Variants in PXDN observed in about 807,000 individuals in gnomAD.
PXDN encodes the protein peroxidasin homolog.
Under a neutral mutation model 140.3 loss-of-function variants are expected in PXDN, and 77 were observed. The ratio of observed to expected loss-of-function variants is 0.55; its 90% CI spans 0.46 to 0.66. The LOEUF (loss-of-function observed/expected upper bound fraction) is 0.66, where lower values mean the gene tolerates loss of function less well. Among genes scored for constraint, PXDN ranks in the 30% least tolerant of loss-of-function variants. PXDN has a pLI of 0.00. For missense variants in PXDN, 1,838 were observed against 2,039.5 expected (o/e 0.90, Z 1.90); for synonymous variants, 911 against 857.4 (o/e 1.06, Z -1.09).
At chr2:1,673,955 G>A in intron 8 of PXDN, 143 bp from the exon 9 acceptor site, 1 of 839,878 alleles carries the variant, frequency 1.2e-6, no homozygotes, top group East Asian at 2.7e-5. Context: ...CCTCCTTCCT[G>A]GCAGCCCTGA....
In PXDN at chr2:1,648,488, G is replaced by A. The variant is rs757055936; in HGVS notation, c.3292C>T (p.Leu1098Phe). The change falls in exon 17 of 23, where the codon CTT (leucine) becomes TTT (phenylalanine). Residue 1098 changes from leucine (L) to phenylalanine (F), a missense_variant. By Grantham distance (22) the Leu-to-Phe change is conservative. This residue lies in a region of PXDN where 850 missense variants were observed against 894.1 expected (regional missense o/e 0.95). Transcript: ENST00000252804. This position sits in a 1 kb window ranked among gnomAD's most constrained non-coding sequence, Gnocchi z 8.9. ...FQPIAQDHLP[L>F]HKAFFSPFRI... ...AAGGGAGAGAAGAAAGCTTTGTGAA[G>A]GGGGAGGTGATCTTGTGCAATGGGC... 2.2e-5 allele frequency: 36 copies of A among 1,611,680 alleles called. No individual in the cohort carries two copies. The South Asian group carries it at 3.5e-4, about 16-fold the overall frequency.
At chr2:1,694,336 G>A (rs1684250560) in intron 1 of PXDN, among the ~76,000 whole-genome samples, 1 of 152,176 alleles carries the variant, frequency 6.6e-6, no homozygotes, top group Non-Finnish European at 1.5e-5. Flanking sequence ...ATCACTGTCA[G>A]TAGTTTGTAG....
intron 3 of PXDN, among the ~76,000 whole-genome samples, chr2:1,691,166 A>G (rs1463111193): frequency 6.6e-6 from 1 of 152,234 alleles, no homozygotes; most frequent in Admixed American, 6.5e-5. Context: ...ATTTCCAACA[A>G]AAATGGCTGA....
intron 1 of PXDN, among the ~76,000 whole-genome samples, chr2:1,742,785 T>C (rs112954342): frequency 0.034 from 5,208 of 152,240 alleles, 301 homozygotes; most frequent in African/African-American, 0.12. Flanking sequence ...AAAGCCTTGG[T>C]CTCTCTGCGG....
chr2:1,633,079 T>C lies in PXDN; in HGVS notation c.*1125A>G, dbSNP rs1162798835. 6.6e-6 allele frequency: 1 copy of C among 152,522 alleles called. No individual in the cohort carries two copies. The highest frequency in any genetic ancestry group is 1.5e-5 in the Non-Finnish European group (1 of 68,022). The allele number at this position is 152,522 out of a possible 1,614,324, so 9.4% of individuals were successfully genotyped here. Reference sequence around the variant, plus strand: ...AAAGAACTTTGCATAGTGGAAATGGTTTTTCTGCCATATCTAATACCTAAA... The same window carrying C: ...AAAGAACTTTGCATAGTGGAAATGGCTTTTCTGCCATATCTAATACCTAAA... On this transcript the variant is annotated 3_prime_UTR_variant, in exon 23 of 23. Coordinates refer to ENST00000252804, the MANE Select transcript of PXDN (RefSeq NM_012293.3).
intron 9 of PXDN, among the ~76,000 whole-genome samples, chr2:1,670,440 T>C (rs1683545951): frequency 6.6e-6 from 1 of 152,184 alleles, no homozygotes; most frequent in South Asian, 2.1e-4. Context: ...ACTAAGCATT[T>C]TGGGAAGAGG....
chr2:1,685,839 G>C lies in PXDN; in HGVS notation c.417-1688C>G, dbSNP rs1037997899. Among the ~76,000 whole-genome samples, 1 of 152,000 alleles carries C rather than the reference G, an allele frequency of 6.6e-6. No individual in the cohort carries two copies. The highest frequency in any genetic ancestry group is 1.5e-5 in the Non-Finnish European group (1 of 67,996). On this transcript the variant is annotated intron_variant, in intron 4 of 22. Transcript: ENST00000252804. This position sits in a 1 kb window ranked among gnomAD's most constrained non-coding sequence, Gnocchi z 5.1. ...CTCCACCCCTCCCTGAACAATTGAG[G>C]AAACAGGACCAAAGACAGGAAATGG...
In PXDN at chr2:1,702,970, CGGGACAACTCCAGGTGAAGGGG is replaced by C. The variant is rs1558515871; in HGVS notation, c.201-9858_201-9837del. ...ATGAATTTAGTTCAGTCTAGAAAGG[CGGGACAACTCCAGGTGAAGGGG>C]GGGACAACTCCAGGTGAAGGGGGGA... is the stretch of plus-strand genomic sequence containing the variant. On this transcript the variant is annotated intron_variant, in intron 1 of 22. Coordinates refer to ENST00000252804, the MANE Select transcript of PXDN (RefSeq NM_012293.3). Among the ~76,000 whole-genome samples the C allele has an allele frequency of 1.3e-4, 16 of 125,066 alleles. 1 individual carries two copies. The highest frequency in any genetic ancestry group is 4.5e-4 in the African/African-American group (13 of 29,070). 82.0% of individuals were successfully genotyped at this position (125,066 alleles called of 152,430 possible).
At chr2:1,676,316 C>CG (rs1429217116) in intron 8 of PXDN, 1 of 153,568 alleles carries the variant, frequency 6.5e-6, no homozygotes, top group East Asian at 1.9e-4. Context: ...TAATGGTCAG[C>CG]GGTAGGACTT....
At chr2:1,702,659 C>T (rs1390370536) in intron 1 of PXDN, among the ~76,000 whole-genome samples, 6 of 152,078 alleles carry the variant, frequency 3.9e-5, no homozygotes, top group Non-Finnish European at 4.4e-5. Flanking sequence ...GACAGAGTCT[C>T]GCTCTGTCGC....
intron 1 of PXDN, among the ~76,000 whole-genome samples, chr2:1,717,583 C>G (rs989517036): frequency 7.1e-6 from 1 of 141,598 alleles, no homozygotes; most frequent in Non-Finnish European, 1.5e-5. Context: ...ATTGTTGATG[C>G]GGGAAACTTA....
chr2:1,640,721 G>A lies in PXDN; in HGVS notation c.3953-1299C>T, dbSNP rs191848504. On this transcript the variant is annotated intron_variant, in intron 19 of 22. Coordinates refer to ENST00000252804, the MANE Select transcript of PXDN (RefSeq NM_012293.3). ...AACAGCAGCTGCCTCCCAGACTACC[G>A]CAGCCCCTCCCAGCAACACCTGGGG... Among the ~76,000 whole-genome samples the A allele has an allele frequency of 3.6e-4, 55 of 152,266 alleles. 1 individual carries two copies. The East Asian group carries it at 3.9e-3, about 11-fold the overall frequency.
intron 13 of PXDN, 124 bp downstream of exon 13, chr2:1,661,948 G>A: frequency 1.2e-6 from 1 of 801,150 alleles, no homozygotes. Flanking sequence ...ATACCCCACA[G>A]CAGAGGGGAG....
chr2:1,673,125 G>A (rs567033057), intron 9 of PXDN, among the ~76,000 whole-genome samples: 1 of 152,248 alleles, frequency 6.6e-6, no homozygotes, highest in African/African-American at 2.4e-5. Context: ...CCAGATGGAT[G>A]AGAGGCCACA....
rs577902756 is a variant in PXDN at position 1,687,761 on chromosome 2, G to A, written c.345-58C>T. On this transcript the variant is annotated intron_variant, in intron 3 of 22. Coordinates refer to ENST00000252804, the MANE Select transcript of PXDN (RefSeq NM_012293.3). This position sits in a 1 kb window ranked among gnomAD's most constrained non-coding sequence, Gnocchi z 4.0. Reference sequence around the variant, plus strand: ...ACAGACAGGAGGTCAAACTTCAGACGGAAAAGAAGAATTAAATTGACACAT... The same window carrying A: ...ACAGACAGGAGGTCAAACTTCAGACAGAAAAGAAGAATTAAATTGACACAT... The A allele has an allele frequency of 3.0e-5, 39 of 1,299,410 alleles. No homozygotes were observed. The South Asian group carries it at 3.5e-4, about 12-fold the overall frequency. The allele number at this position is 1,299,410 out of a possible 1,614,324, so 80.5% of individuals were successfully genotyped here.
chr2:1,708,199 G>A (rs749572929), intron 1 of PXDN, among the ~76,000 whole-genome samples: 7 of 152,364 alleles, frequency 4.6e-5, no homozygotes, highest in Non-Finnish European at 8.8e-5. Context: ...CCTGGCGCAG[G>A]CCCAGGTCTC....
intron 14 of PXDN, among the ~76,000 whole-genome samples, chr2:1,656,400 C>T (rs1055031914): frequency 3.9e-5 from 6 of 152,220 alleles, no homozygotes; most frequent in East Asian, 1.9e-4. Flanking sequence ...CTTCAACATA[C>T]GCAATCTTTT....
At chr2:1,688,272 T>C (rs1280932041) in intron 3 of PXDN, among the ~76,000 whole-genome samples, 1 of 152,216 alleles carries the variant, frequency 6.6e-6, no homozygotes, top group Non-Finnish European at 1.5e-5. Flanking sequence ...AGGAGAATCC[T>C]ATTTCCTAAC....
At chr2:1,704,896 C>G (rs954916343) in intron 1 of PXDN, among the ~76,000 whole-genome samples, 2 of 152,084 alleles carry the variant, frequency 1.3e-5, no homozygotes, top group African/African-American at 4.8e-5. Flanking sequence ...GACTTACTTT[C>G]TTTTCATACA....
Sources: gnomAD v4.1 joint callset for allele counts (sites outside exome capture counted in the v4.1 genomes callset) on GRCh38, gnomAD v4.1.1 for gene constraint, gnomAD v4.1.1 regional missense constraint, Gnocchi (gnomAD v3.1) non-coding constraint, MANE v1.5 for transcripts, NCBI Gene and HGNC (gene_info 2026-07-23, HGNC 2026-07-21) for gene names.